Variants in ARHGEF2 observed in about 807,000 individuals in gnomAD.
ARHGEF2 encodes Rho/Rac guanine nucleotide exchange factor 2.
Under a neutral mutation model 121.0 loss-of-function variants are expected in ARHGEF2, and 22 were observed. That is an observed-to-expected ratio of 0.18 (90% CI 0.13 to 0.26). The LOEUF (loss-of-function observed/expected upper bound fraction) is 0.26. Among genes scored for constraint, ARHGEF2 ranks in the 10% least tolerant of loss-of-function variants. ARHGEF2 has a pLI of 1.00. For synonymous variants in ARHGEF2, 487 were observed against 530.0 expected (o/e 0.92, Z 1.11); for missense variants, 907 against 1,336.0 (o/e 0.68, Z 5.01).
rs1452903806 is a variant in ARHGEF2 at position 155,947,796 on chromosome 1, C to T, written c.*146G>A. 1.7e-6 allele frequency: 1 copy of T among 587,088 alleles called. No homozygotes were observed. The highest frequency in any genetic ancestry group is 2.9e-5 in the East Asian group (1 of 34,352). 36.4% of individuals were successfully genotyped at this position (587,088 alleles called of 1,614,324 possible). On this transcript the variant is annotated 3_prime_UTR_variant, in exon 22 of 22. Coordinates refer to ENST00000361247, the MANE Select transcript of ARHGEF2 (RefSeq NM_001162383.2). Reference sequence around the variant, plus strand: ...AATTCCCCTAGCTTCTTAAATGGCCCCAGGTATCCAAGGATCCCAAGAGCT... The same window carrying T: ...AATTCCCCTAGCTTCTTAAATGGCCTCAGGTATCCAAGGATCCCAAGAGCT...
chr1:155,958,783 G>T (rs914521301), intron 11 of ARHGEF2, among the ~76,000 whole-genome samples: 3 of 151,388 alleles, frequency 2.0e-5, no homozygotes, highest in Non-Finnish European at 4.4e-5. Context: ...TCACCATGTT[G>T]GTCAGGCTGG....
In ARHGEF2 at chr1:155,962,133, G is replaced by A. The variant is rs1406695889; in HGVS notation, c.1191C>T (p.Leu397=). 6.2e-7 allele frequency: 1 copy of A among 1,614,230 alleles called. No homozygotes were observed. Among genetic ancestry groups the A allele is most frequent in the Non-Finnish European group, 8.5e-7 (1 of 1,180,052 alleles). ...VTQRITKYPL[L]ISRILQHSHG... is the part of the protein sequence containing the mutation. ...GGGAATGCTGCAGGATGCGGCTGAT[G>A]AGTAACGGGTACTTGGTGATGCGCT... Residue 397 remains leucine (L), a synonymous_variant, in exon 10 of 22, where the codon CTC becomes CTT. Coordinates refer to ENST00000361247, the MANE Select transcript of ARHGEF2 (RefSeq NM_001162383.2). This position sits in a 1 kb window ranked among gnomAD's most constrained non-coding sequence, Gnocchi z 5.8.
intron 13 of ARHGEF2, among the ~76,000 whole-genome samples, chr1:155,956,596 G>A (rs868550253): frequency 6.0e-5 from 9 of 150,744 alleles, no homozygotes; most frequent in Non-Finnish European, 8.9e-5. Flanking sequence ...TGAGGTGGGC[G>A]GATAAATCTG....
chr1:155,966,956 G>C, intron 2 of ARHGEF2, 69 bp from the exon 3 acceptor site: 1 of 1,442,740 alleles, frequency 6.9e-7, no homozygotes, highest in Non-Finnish European at 9.7e-7. Context: ...CCCACATGCA[G>C]ACACCCATCT....
chr1:155,970,325 C>T, intron 1 of ARHGEF2: 5 of 985,594 alleles, frequency 5.1e-6, no homozygotes, highest in Non-Finnish European at 4.8e-6. Context: ...AGTCATTCTC[C>T]CTGACCTCCA....
At chr1:155,978,648 G>C, upstream of ARHGEF2, 1 of 1,191,718 alleles carries the variant, frequency 8.4e-7, no homozygotes, top group Non-Finnish European at 1.1e-6. The surrounding 1 kb of genome is among the most constrained non-coding windows in gnomAD (Gnocchi z 4.1). Context: ...CGGGGTGCCC[G>C]CGCGCAGGAC....
intron 7 of ARHGEF2, among the ~76,000 whole-genome samples, chr1:155,964,167 A>AAAAAATATATAT (rs1553244640): frequency 2.2e-5 from 2 of 91,240 alleles, no homozygotes; most frequent in African/African-American, 6.1e-5. Flanking sequence ...AAAAAAAAAA[A>AAAAAATATATAT]ATATATATAT....
chr1:155,977,280 T>C (rs1281038798), intron 1 of ARHGEF2, among the ~76,000 whole-genome samples: 1 of 152,096 alleles, frequency 6.6e-6, no homozygotes, highest in African/African-American at 2.4e-5. Context: ...CCACCTTCCT[T>C]TCAGCTCTGA....
rs1279686748 is a variant in ARHGEF2, at chr1:155,950,117, G to C, written c.2887+182C>G. ...TGGGAATCACCAACCAGTTGGAGGA[G>C]AGAGGCCCCTCCTGCTTCCTAGACT... On this transcript the variant is annotated intron_variant, in intron 21 of 21. Coordinates refer to ENST00000361247, the MANE Select transcript of ARHGEF2 (RefSeq NM_001162383.2). This position sits in a 1 kb window ranked among gnomAD's most constrained non-coding sequence, Gnocchi z 5.2. 1.3e-5 allele frequency among the ~76,000 whole-genome samples: 2 copies of C among 152,142 alleles called. No homozygotes were observed. The highest frequency in any genetic ancestry group is 2.9e-5 in the Non-Finnish European group (2 of 68,032).
At chr1:155,949,406 C>A (rs890100205) in intron 21 of ARHGEF2, among the ~76,000 whole-genome samples, 2 of 151,878 alleles carry the variant, frequency 1.3e-5, no homozygotes, top group African/African-American at 4.8e-5. Context: ...ATGGTGAAAC[C>A]CTATCTCTTC....
intron 11 of ARHGEF2, among the ~76,000 whole-genome samples, chr1:155,958,890 C>T (rs1456961456): frequency 1.5e-5 from 2 of 131,362 alleles, no homozygotes; most frequent in South Asian, 2.4e-4. Flanking sequence ...CACATTCTTA[C>T]AGCTTAAAAA....
intron 13 of ARHGEF2, 113 bp downstream of exon 13, chr1:155,957,600 C>A: frequency 7.8e-7 from 1 of 1,282,128 alleles, no homozygotes; most frequent in Non-Finnish European, 1.1e-6. Context: ...CCCTCAACCT[C>A]TTCCCCCACC....
At chr1:155,948,138 G>T in intron 21 of ARHGEF2, 123 bp from the exon 22 acceptor site, 1 of 703,102 alleles carries the variant, frequency 1.4e-6, no homozygotes, top group Non-Finnish European at 2.3e-6. Context: ...GGATGACAGG[G>T]TTCTGTAAAT....
In ARHGEF2 at chr1:155,962,540, T is replaced by C. The variant is rs557969623; in HGVS notation, c.1101+53A>G. 8.7e-6 allele frequency: 14 copies of C among 1,602,176 alleles called. No individual in the cohort carries two copies. Among genetic ancestry groups the C allele is most frequent in the Middle Eastern group, 2.2e-4 (1 of 4,454 alleles). ...AGCTCACAGGCACTACCCCCATGAG[T>C]TGGGGAGGGTGGGTTTGGGCCATGA... is the stretch of plus-strand genomic sequence containing the variant. On this transcript the variant is annotated intron_variant, in intron 9 of 21. Coordinates refer to ENST00000361247, the MANE Select transcript of ARHGEF2 (RefSeq NM_001162383.2). This position sits in a 1 kb window ranked among gnomAD's most constrained non-coding sequence, Gnocchi z 5.8.
In ARHGEF2 at chr1:155,969,507, C is replaced by T. The variant is rs757782177; in HGVS notation, c.64-207G>A. The T allele has an allele frequency of 5.2e-5, 74 of 1,410,382 alleles. No individual in the cohort carries two copies. The Middle Eastern group carries it at 1.1e-3, about 20-fold the overall frequency. The allele number at this position is 1,410,382 out of a possible 1,614,324, so 87.4% of individuals were successfully genotyped here. A position where few individuals can be genotyped will look rare whatever the true frequency, so the allele number is the denominator to read the frequency against. The stretch of plus-strand genomic sequence containing the variant: ...AGGCCAGGCTCTGGGGCAGCCAGCC[C>T]GGATGGGTTCTGGGTCCCTGACCTA... On this transcript the variant is annotated intron_variant, in intron 1 of 21. Coordinates refer to ENST00000361247, the MANE Select transcript of ARHGEF2 (RefSeq NM_001162383.2).
Position 155,978,025 on chromosome 1 carries a change from C to T in ARHGEF2, c.63+340G>A. 1.9e-6 allele frequency: 2 copies of T among 1,033,678 alleles called. No homozygotes were observed. Among genetic ancestry groups the T allele is most frequent in the Admixed American group, 5.4e-5 (1 of 18,444 alleles). The allele number at this position is 1,033,678 out of a possible 1,614,324, so 64.0% of individuals were successfully genotyped here. ...GGTGCCGGAGCTTCCACCGCCCCCA[C>T]CCGCGAGACACACACCTCCCTCTTC... On this transcript the variant is annotated intron_variant, in intron 1 of 21. Transcript: ENST00000361247. This position sits in a 1 kb window ranked among gnomAD's most constrained non-coding sequence, Gnocchi z 4.1.
intron 1 of ARHGEF2, among the ~76,000 whole-genome samples, chr1:155,971,332 C>T (rs911227136): frequency 1.3e-5 from 2 of 152,116 alleles, no homozygotes; most frequent in African/African-American, 4.8e-5. Context: ...AATCCCAGCA[C>T]TTTGGGAGGT....
chr1:155,948,940 C>T (rs112059184), intron 21 of ARHGEF2, among the ~76,000 whole-genome samples: 2 of 152,110 alleles, frequency 1.3e-5, no homozygotes, highest in East Asian at 3.9e-4. Context: ...CTCCACCACA[C>T]CTGGCTAATT....
chr1:155,978,436 G>C lies in ARHGEF2; in HGVS notation c.-9C>G, dbSNP rs762803855. On this transcript the variant is annotated 5_prime_UTR_variant, in exon 1 of 22. Transcript: ENST00000361247. This position sits in a 1 kb window ranked among gnomAD's most constrained non-coding sequence, Gnocchi z 4.1. Reference sequence around the variant, plus strand: ...GATTCGATCCGAGACATAATCGGACGGGGGGACCAGGGAGGACGCGGCGCG... The same window carrying C: ...GATTCGATCCGAGACATAATCGGACCGGGGGACCAGGGAGGACGCGGCGCG... 6.7e-7 allele frequency: 1 copy of C among 1,486,710 alleles called. No homozygotes were observed. The highest frequency in any genetic ancestry group is 2.1e-5 in the Admixed American group (1 of 46,846). The allele number at this position is 1,486,710 out of a possible 1,614,324, so 92.1% of individuals were successfully genotyped here. A position where few individuals can be genotyped will look rare whatever the true frequency, so the allele number is the denominator to read the frequency against.
Sources: allele counts gnomAD v4.1 joint callset (sites outside exome capture counted in the v4.1 genomes callset), GRCh38; gene constraint gnomAD v4.1.1; non-coding constraint Gnocchi (gnomAD v3.1); transcripts MANE v1.5; gene names NCBI Gene and HGNC (gene_info 2026-07-23, HGNC 2026-07-21).